The following OR2J3 variants were observed in gnomAD, a reference collection of about 807,000 sequenced individuals.
The protein encoded by OR2J3 is olfactory receptor 2J3.
OR2J3 carries 13 observed loss-of-function variants against 18.5 expected under a neutral mutation model. The ratio of observed to expected loss-of-function variants is 0.70; its 90% CI spans 0.46 to 1.12. The LOEUF (loss-of-function observed/expected upper bound fraction) is 1.12. OR2J3 is among the 50% of genes most tolerant of loss of function. The pLI is 0.00. For synonymous variants in OR2J3, 142 were observed against 140.6 expected (o/e 1.01, Z -0.07); for missense variants, 321 against 371.6 (o/e 0.86, Z 1.12).
chr6:29,112,231 A>G lies in OR2J3; in HGVS notation c.341A>G (p.Glu114Gly). The G allele has an allele frequency of 1.2e-6, 2 of 1,614,110 alleles. No individual in the cohort carries two copies. The highest frequency in any genetic ancestry group is 2.7e-5 in the African/African-American group (2 of 75,016). Residue 114 changes from glutamate (E) to glycine (G), a missense_variant, in exon 4 of 4, where the codon GAG (glutamate) becomes GGG (glycine). Transcript: ENST00000641151. The stretch of plus-strand genomic sequence containing the variant: ...TTTGTTCTCGCACTGGGAACCACAG[A>G]GTGTGTCCTACTGGTGGTGATGTCC... ...LYFVLALGTT[E>G]CVLLVVMSYD...
chr6:29,108,765 A>T (rs1195791758), intron 2 of OR2J3, 59 bp from the exon 3 acceptor site: 1 of 152,170 alleles, frequency 6.6e-6, no homozygotes, highest in East Asian at 1.9e-4. Flanking sequence ...TAAACTTTTG[A>T]TATGGCTTTT....
At chr6:29,111,557 C>T (rs896534983) in intron 3 of OR2J3, 10 of 252,564 alleles carry the variant, frequency 4.0e-5, no homozygotes, top group Non-Finnish European at 6.0e-5. Context: ...TTCTGTTCCC[C>T]ATCAAATTTT....
Position 29,112,967 on chromosome 6 carries a change from T to G in OR2J3, c.*141T>G. Reference sequence around the variant, plus strand: ...ATGTACTCTAACAAGGTCGTGGAGTTCCTGGTAACAGGTAGGAATAAAACA... The same window carrying G: ...ATGTACTCTAACAAGGTCGTGGAGTGCCTGGTAACAGGTAGGAATAAAACA... On this transcript the variant is annotated 3_prime_UTR_variant, in exon 4 of 4. Coordinates refer to ENST00000641151, the MANE Select transcript of OR2J3 (RefSeq NM_001005216.4). 1 of 1,012,106 alleles carries G rather than the reference T, an allele frequency of 9.9e-7. No homozygotes were observed. The highest frequency in any genetic ancestry group is 1.4e-6 in the Non-Finnish European group (1 of 714,188). 62.7% of individuals were successfully genotyped at this position (1,012,106 alleles called of 1,614,324 possible).
At position 29,112,882 on chromosome 6, in the gene OR2J3, T is replaced by TGG. The variant is rs1043053349; in HGVS notation, c.*56_*57insGG. On this transcript the variant is annotated 3_prime_UTR_variant, in exon 4 of 4. Coordinates refer to ENST00000641151, the MANE Select transcript of OR2J3 (RefSeq NM_001005216.4). ...CAGAGTCTCCCCTCACAATGATTCATCCTTCTATTTATTTATCAACCATTC... is the reference window on the plus strand; with the variant it reads ...CAGAGTCTCCCCTCACAATGATTCATGGCCTTCTATTTATTTATCAACCATTC... 47 of 1,521,348 alleles carry TGG rather than the reference T, an allele frequency of 3.1e-5. No homozygotes were observed. Among genetic ancestry groups the TGG allele is most frequent in the Non-Finnish European group, 3.8e-5 (43 of 1,138,386 alleles). 94.2% of individuals were successfully genotyped at this position (1,521,348 alleles called of 1,614,324 possible).
At position 29,112,619 on chromosome 6, in the gene OR2J3, A is replaced by T; in HGVS notation, c.729A>T (p.Thr243=). 6.2e-7 allele frequency: 1 copy of T among 1,614,162 alleles called. No homozygotes were observed. ...STTGLQKVFG[T]CGAHLMAVSL... ...CTGGGCTTCAGAAAGTGTTTGGAAC[A>T]TGTGGAGCTCATCTTATGGCTGTAT... The change falls in exon 4 of 4, where the codon ACA becomes ACT. Residue 243 remains threonine (T), a synonymous_variant. Transcript: ENST00000641151.
In OR2J3 at chr6:29,114,541, T is replaced by C. The variant is rs887828475; in HGVS notation, c.*1715T>C. 1.3e-5 allele frequency: 2 copies of C among 151,900 alleles called. No individual in the cohort carries two copies. Among genetic ancestry groups the C allele is most frequent in the Admixed American group, 6.6e-5 (1 of 15,230 alleles). 9.4% of individuals were successfully genotyped at this position (151,900 alleles called of 1,614,324 possible). A position where few individuals can be genotyped will look rare whatever the true frequency, so the allele number is the denominator to read the frequency against. The stretch of plus-strand genomic sequence containing the variant: ...TGACATATGCATAATTATGCAATTA[T>C]TACTCAAGCTAATTAACAGATCATT... On this transcript the variant is annotated 3_prime_UTR_variant, in exon 4 of 4. Transcript: ENST00000641151.
Position 29,112,892 on chromosome 6 carries a change from T to C in OR2J3, c.*66T>C. On this transcript the variant is annotated 3_prime_UTR_variant, in exon 4 of 4. Transcript: ENST00000641151. Reference sequence around the variant, plus strand: ...CCTCACAATGATTCATCCTTCTATTTATTTATCAACCATTCTTTTATTCAC... The same window carrying C: ...CCTCACAATGATTCATCCTTCTATTCATTTATCAACCATTCTTTTATTCAC... The C allele has an allele frequency of 6.6e-7, 1 of 1,505,784 alleles. No individual in the cohort carries two copies. The highest frequency in any genetic ancestry group is 8.8e-7 in the Non-Finnish European group (1 of 1,130,440). The allele number at this position is 1,505,784 out of a possible 1,614,324, so 93.3% of individuals were successfully genotyped here. A position where few individuals can be genotyped will look rare whatever the true frequency, so the allele number is the denominator to read the frequency against.
In OR2J3 at chr6:29,112,853, A is replaced by G; in HGVS notation, c.*27A>G. The G allele has an allele frequency of 1.9e-6, 3 of 1,568,378 alleles. No individual in the cohort carries two copies. The highest frequency in any genetic ancestry group is 2.6e-6 in the Non-Finnish European group (3 of 1,160,226). Reference sequence around the variant, plus strand: ...CCTGTGTATGTGTCATATTAACAATATAACAGAGTCTCCCCTCACAATGAT... The same window carrying G: ...CCTGTGTATGTGTCATATTAACAATGTAACAGAGTCTCCCCTCACAATGAT... On this transcript the variant is annotated 3_prime_UTR_variant, in exon 4 of 4. Coordinates refer to ENST00000641151, the MANE Select transcript of OR2J3 (RefSeq NM_001005216.4).
intron 3 of OR2J3, among the ~76,000 whole-genome samples, chr6:29,110,597 A>G (rs1017013058): frequency 2.0e-5 from 3 of 152,130 alleles, no homozygotes; most frequent in East Asian, 1.9e-4. Context: ...TTCAATTACC[A>G]TTTACCTAGA....
In OR2J3 at chr6:29,112,829, C is replaced by G. The variant is rs375706481; in HGVS notation, c.*3C>G. 8 of 1,607,820 alleles carry G rather than the reference C, an allele frequency of 5.0e-6. No homozygotes were observed. The African/African-American group carries it at 9.4e-5, about 19-fold the overall frequency. On this transcript the variant is annotated 3_prime_UTR_variant, in exon 4 of 4. Transcript: ENST00000641151. ...AGAGACTAATGGGGTGGGAATGAGC[C>G]TGTGTATGTGTCATATTAACAATAT...
At chr6:29,111,482 T>C (rs567689720) in intron 3 of OR2J3, 1 of 167,564 alleles carries the variant, frequency 6.0e-6, no homozygotes, top group Non-Finnish European at 1.3e-5. Context: ...TTACTGTTTT[T>C]CAGTTTGAAA....
Position 29,112,467 on chromosome 6 carries a change from G to A in OR2J3, c.577G>A (p.Val193Ile), listed in dbSNP as rs747223568. 3.3e-5 allele frequency: 54 copies of A among 1,614,044 alleles called. No individual in the cohort carries two copies. In the East Asian group the frequency reaches 8.9e-4, roughly 27 times the overall value. Residue 193 changes from valine to isoleucine, a missense_variant, in exon 4 of 4, where the codon GTT (valine) becomes ATT (isoleucine). Transcript: ENST00000641151. ...TCCAGCACTTCTGCGATTATCGTGT[G>A]TTGATACCCATGTCAATGAGCTGAC... is the stretch of plus-strand genomic sequence containing the variant. ...EVPALLRLSC[V>I]DTHVNELTLM...
intron 3 of OR2J3, chr6:29,109,754 T>G (rs924170157): frequency 6.6e-6 from 1 of 152,104 alleles, no homozygotes; most frequent in Non-Finnish European, 1.5e-5. Flanking sequence ...AAGCATCACC[T>G]AGGAGTCATA....
At chr6:29,110,007 A>G (rs1762066511) in intron 3 of OR2J3, among the ~76,000 whole-genome samples, 1 of 152,174 alleles carries the variant, frequency 6.6e-6, no homozygotes, top group African/African-American at 2.4e-5. Context: ...CAGCTTCTTG[A>G]ACGCTGTGAT....
In OR2J3 at chr6:29,112,975, A is replaced by G; in HGVS notation, c.*149A>G. The G allele has an allele frequency of 1.1e-6, 1 of 907,948 alleles. No individual in the cohort carries two copies. The highest frequency in any genetic ancestry group is 2.7e-5 in the East Asian group (1 of 37,728). The allele number at this position is 907,948 out of a possible 1,614,324, so 56.2% of individuals were successfully genotyped here. A position where few individuals can be genotyped will look rare whatever the true frequency, so the allele number is the denominator to read the frequency against. The stretch of plus-strand genomic sequence containing the variant: ...TAACAAGGTCGTGGAGTTCCTGGTA[A>G]CAGGTAGGAATAAAACACAGTCAGC... On this transcript the variant is annotated 3_prime_UTR_variant, in exon 4 of 4. Coordinates refer to ENST00000641151, the MANE Select transcript of OR2J3 (RefSeq NM_001005216.4).
rs1329976385 is a variant in OR2J3, at chr6:29,114,484, T to G, written c.*1658T>G. 1 of 138,546 alleles carries G rather than the reference T, an allele frequency of 7.2e-6. No homozygotes were observed. Among genetic ancestry groups the G allele is most frequent in the Non-Finnish European group, 1.6e-5 (1 of 64,282 alleles). The allele number at this position is 138,546 out of a possible 1,614,324, so 8.6% of individuals were successfully genotyped here. A position where few individuals can be genotyped will look rare whatever the true frequency, so the allele number is the denominator to read the frequency against. On this transcript the variant is annotated 3_prime_UTR_variant, in exon 4 of 4. Transcript: ENST00000641151. ...CTTTATTAAGGATAAGTGAAAAAAA[T>G]GTATTTATTTATAATATACAGCATA... is the stretch of plus-strand genomic sequence containing the variant.
At position 29,111,914 on chromosome 6, in the gene OR2J3, T is replaced by C. The variant is rs2150952182; in HGVS notation, c.24T>C (p.Asn8=). The change falls in exon 4 of 4, where the codon AAT becomes AAC. Residue 8 remains asparagine, a synonymous_variant. Coordinates refer to ENST00000641151, the MANE Select transcript of OR2J3 (RefSeq NM_001005216.4). MNDDGKV[N]ASSEGYFILV... is the part of the protein sequence containing the mutation. The stretch of plus-strand genomic sequence containing the variant: ...AAATGAATGATGATGGAAAAGTCAA[T>C]GCTAGCTCTGAGGGGTACTTTATTT... The C allele has an allele frequency of 1.2e-6, 2 of 1,613,218 alleles. No individual in the cohort carries two copies. The highest frequency in any genetic ancestry group is 2.2e-5 in the South Asian group (2 of 91,004).
chr6:29,112,757 C>T lies in OR2J3; in HGVS notation c.867C>T (p.Asn289=), dbSNP rs767494100. 2.5e-6 allele frequency: 4 copies of T among 1,613,914 alleles called. No individual in the cohort carries two copies. Among genetic ancestry groups the T allele is most frequent in the Non-Finnish European group, 3.4e-6 (4 of 1,179,908 alleles). The part of the protein sequence containing the change: ...LFYTVVTPSL[N]PLIYTLRNKV... ...ATACTGTTGTCACACCTAGTCTTAA[C>T]CCTCTAATCTACACCCTCAGAAACA... Residue 289 remains asparagine, a synonymous_variant, in exon 4 of 4, where the codon AAC becomes AAT. Transcript: ENST00000641151.
rs769839576 is a variant in OR2J3 at position 29,111,965 on chromosome 6, T to G, written c.75T>G (p.His25Gln). The G allele has an allele frequency of 3.1e-6, 5 of 1,614,016 alleles. No individual in the cohort carries two copies. In the African/African-American group the frequency reaches 5.3e-5, roughly 17 times the overall value. Reference protein sequence around the residue: ...FILVGFSNWPHLEVVIFVVVL... With the variant: ...FILVGFSNWPQLEVVIFVVVL... ...TAGTTGGATTTTCTAATTGGCCTCA[T>G]CTGGAAGTAGTTATCTTTGTGGTTG... Residue 25 changes from histidine (H) to glutamine (Q), a missense_variant, in exon 4 of 4, where the codon CAT (histidine) becomes CAG (glutamine). By Grantham distance (24) the His-to-Gln change is conservative. Transcript: ENST00000641151.
Sources: gnomAD v4.1 joint callset for allele counts (sites outside exome capture counted in the v4.1 genomes callset) on GRCh38, gnomAD v4.1.1 for gene constraint, MANE v1.5 for transcripts, NCBI Gene and HGNC (gene_info 2026-07-23, HGNC 2026-07-21) for gene names.